The following SLC17A9 variants were observed in gnomAD, a reference collection of about 807,000 sequenced individuals.
The protein encoded by SLC17A9 is voltage-gated purine nucleotide uniporter SLC17A9.
Under a neutral mutation model 55.0 loss-of-function variants are expected in SLC17A9, and 49 were observed. The ratio of observed to expected loss-of-function variants is 0.89; its 90% CI spans 0.71 to 1.13. The LOEUF is 1.13. Among genes scored for constraint, SLC17A9 ranks in the 50% most tolerant of loss-of-function variants. The pLI, the probability that SLC17A9 is intolerant of heterozygous loss-of-function variation, is 0.00. For missense variants in SLC17A9, 526 were observed against 569.3 expected, an observed-to-expected ratio of 0.92 and a Z score of 0.77; for synonymous variants, 256 against 247.4, an observed-to-expected ratio of 1.03 and a Z score of -0.32.
At chr20:62,954,461 C>T (rs755606240) in intron 1 of SLC17A9, among the ~76,000 whole-genome samples, 6 of 152,218 alleles carry the variant, frequency 3.9e-5, no homozygotes, top group Non-Finnish European at 5.9e-5. Flanking sequence ...GCACAGGGGC[C>T]GTTTGCTCTA....
rs1297818309 is a variant in SLC17A9 at position 62,958,965 on chromosome 20, C to A, written c.397+1385C>A. 6.6e-6 allele frequency among the ~76,000 whole-genome samples: 1 copy of A among 152,210 alleles called. No homozygotes were observed. The highest frequency in any genetic ancestry group is 2.4e-5 in the African/African-American group (1 of 41,448). On this transcript the variant is annotated intron_variant, in intron 3 of 12. Coordinates refer to ENST00000370351, the MANE Select transcript of SLC17A9 (RefSeq NM_022082.4). The surrounding 1 kb of genome is among the most constrained non-coding windows in gnomAD (Gnocchi z 4.1). Reference sequence around the variant, plus strand: ...CTGTGAGGCCCCATCCCAGAGCCAGCCCCTCCAGCATCACCGCCTCCCCAG... The same window carrying A: ...CTGTGAGGCCCCATCCCAGAGCCAGACCCTCCAGCATCACCGCCTCCCCAG...
At chr20:62,957,292 C>A in intron 2 of SLC17A9, 149 bp from the exon 3 acceptor site, 2 of 1,469,000 alleles carry the variant, frequency 1.4e-6, no homozygotes, top group Non-Finnish European at 1.8e-6. Flanking sequence ...GGTCTCCTCA[C>A]GAGGCAGCTC....
rs150989854 is a variant in SLC17A9, at chr20:62,959,070, A to T, written c.398-1434A>T. Among the ~76,000 whole-genome samples, 766 of 152,288 alleles carry T rather than the reference A, an allele frequency of 5.0e-3. 7 individuals are homozygous for T. Among genetic ancestry groups the T allele is most frequent in the African/African-American group, 0.018 (729 of 41,552 alleles). ...TCGGCAACCACCTGGAGGGGAGGAC[A>T]GGCCTGGCGGGGGGTGGGGGCCCTC... On this transcript the variant is annotated intron_variant, in intron 3 of 12. Transcript: ENST00000370351.
chr20:62,967,632 G>C lies in SLC17A9; in HGVS notation c.*132G>C. On this transcript the variant is annotated 3_prime_UTR_variant, in exon 13 of 13. Coordinates refer to ENST00000370351, the MANE Select transcript of SLC17A9 (RefSeq NM_022082.4). Reference sequence around the variant, plus strand: ...AGGAACACAAACCACTGTGGAGCCTGAAGCTCCTTAAGAAGAGTCCACAAC... The same window carrying C: ...AGGAACACAAACCACTGTGGAGCCTCAAGCTCCTTAAGAAGAGTCCACAAC... 2.0e-6 allele frequency: 1 copy of C among 492,182 alleles called. No individual in the cohort carries two copies. The highest frequency in any genetic ancestry group is 3.1e-6 in the Non-Finnish European group (1 of 323,606). 30.5% of individuals were successfully genotyped at this position (492,182 alleles called of 1,614,324 possible). A position where few individuals can be genotyped will look rare whatever the true frequency, so the allele number is the denominator to read the frequency against.
In SLC17A9 at chr20:62,965,157, G is replaced by A. The variant is rs2065624283; in HGVS notation, c.936G>A (p.Lys312=). ...NQGYRAITVR[K]LMQGMGLGLS... is the part of the protein sequence containing the mutation. ...GTTACAGAGCCATCACGGTGCGGAA[G>A]CTCATGCAGGTAGGAGAATCATTCC... The change falls in exon 9 of 13, where the codon AAG becomes AAA. Residue 312 remains lysine, a synonymous_variant. Coordinates refer to ENST00000370351, the MANE Select transcript of SLC17A9 (RefSeq NM_022082.4). The A allele has an allele frequency of 2.5e-6, 4 of 1,614,122 alleles. No individual in the cohort carries two copies. The East Asian group carries it at 6.7e-5, about 27-fold the overall frequency.
intron 1 of SLC17A9, among the ~76,000 whole-genome samples, chr20:62,955,987 A>G (rs1601085280): frequency 6.6e-6 from 1 of 152,350 alleles, no homozygotes; most frequent in East Asian, 1.9e-4. Context: ...ACTTTCTCCA[A>G]ACTCCAGGGG....
chr20:62,967,936 A>G lies in SLC17A9; in HGVS notation c.*436A>G, dbSNP rs183354689. 3.3e-3 allele frequency: 535 copies of G among 162,992 alleles called. 2 individuals carry two copies. Among genetic ancestry groups the G allele is most frequent in the Non-Finnish European group, 5.1e-3 (378 of 74,740 alleles). The allele number at this position is 162,992 out of a possible 1,614,324, so 10.1% of individuals were successfully genotyped here. ...CTGGCACCAGGCTGCAGCCTCCCCA[A>G]TCCCAGCCCACTTTGCTGTGTCTCT... On this transcript the variant is annotated 3_prime_UTR_variant, in exon 13 of 13. Transcript: ENST00000370351.
At chr20:62,955,063 C>T (rs1022598631) in intron 1 of SLC17A9, among the ~76,000 whole-genome samples, 6 of 152,106 alleles carry the variant, frequency 3.9e-5, no homozygotes, top group Admixed American at 2.0e-4. Context: ...TGGGCTCAAG[C>T]GATCCTCCTA....
At position 62,952,803 on chromosome 20, in the gene SLC17A9, C is replaced by G. The variant is rs1439192272; in HGVS notation, c.-28C>G. 1 of 1,533,668 alleles carries G rather than the reference C, an allele frequency of 6.5e-7. No homozygotes were observed. The highest frequency in any genetic ancestry group is 8.7e-7 in the Non-Finnish European group (1 of 1,144,866). ...GAGGCAGCCCCGGGACACAGCTGTG[C>G]CCACGCCGTCTGAGCACCCCAAGCC... On this transcript the variant is annotated 5_prime_UTR_variant, in exon 1 of 13. Coordinates refer to ENST00000370351, the MANE Select transcript of SLC17A9 (RefSeq NM_022082.4).
intron 1 of SLC17A9, among the ~76,000 whole-genome samples, chr20:62,955,905 T>A (rs997265376): frequency 6.6e-6 from 1 of 152,210 alleles, no homozygotes; most frequent in African/African-American, 2.4e-5. Flanking sequence ...GAGTGGAACC[T>A]GGCTGCAAAT....
intron 9 of SLC17A9, 125 bp downstream of exon 9, chr20:62,965,291 T>C: frequency 7.7e-7 from 1 of 1,292,624 alleles, no homozygotes; most frequent in Non-Finnish European, 1.1e-6. Flanking sequence ...GGCCTCTCCA[T>C]GTGTCCAGCA....
intron 9 of SLC17A9, 75 bp from the exon 10 acceptor site, chr20:62,965,535 G>C: frequency 7.1e-7 from 1 of 1,401,612 alleles, no homozygotes; most frequent in East Asian, 2.3e-5. Context: ...GGGGGCTTTC[G>C]GGCAGCTGAG....
At position 62,965,186 on chromosome 20, in the gene SLC17A9, C is replaced by T. The variant is rs375903103; in HGVS notation, c.945+20C>T. 2.3e-5 allele frequency: 37 copies of T among 1,613,952 alleles called. No homozygotes were observed. Among genetic ancestry groups the T allele is most frequent in the East Asian group, 4.5e-5 (2 of 44,900 alleles). On this transcript the variant is annotated intron_variant, in intron 9 of 12. Coordinates refer to ENST00000370351, the MANE Select transcript of SLC17A9 (RefSeq NM_022082.4). ...ATGCAGGTAGGAGAATCATTCCGGT[C>T]GTTCTCTCTGGATATCCCTGCTTTG...
At chr20:62,966,813 G>A (rs1232686425) in intron 12 of SLC17A9, 81 bp downstream of exon 12, 2 of 1,548,018 alleles carry the variant, frequency 1.3e-6, no homozygotes, top group African/African-American at 1.4e-5. Context: ...GTGGGGTTGT[G>A]CCTCCCTTCA....
In SLC17A9 at chr20:62,967,417, A is replaced by T; in HGVS notation, c.1228A>T (p.Ile410Phe). 3.1e-6 allele frequency: 5 copies of T among 1,614,184 alleles called. No homozygotes were observed. The highest frequency in any genetic ancestry group is 4.2e-6 in the Non-Finnish European group (5 of 1,180,022). The part of the protein sequence containing the change: ...WTCLFNLVAI[I>F]SNLGLCTFLV... ...TTGCCTGTTCAACCTTGTGGCCATC[A>T]TCAGCAACCTGGGGCTGTGCACCTT... The change falls in exon 13 of 13, where the codon ATC (isoleucine) becomes TTC (phenylalanine). Residue 410 changes from isoleucine (I) to phenylalanine (F), a missense_variant. By Grantham distance (21) the Ile-to-Phe change is conservative (BLOSUM62 0). Coordinates refer to ENST00000370351, the MANE Select transcript of SLC17A9 (RefSeq NM_022082.4).
chr20:62,957,121 G>A (rs972850093), intron 2 of SLC17A9, 159 bp downstream of exon 2: 16 of 890,652 alleles, frequency 1.8e-5, no homozygotes, highest in Non-Finnish European at 2.0e-5. Flanking sequence ...AAGGAGCTTC[G>A]TGGACACAGA....
chr20:62,957,509 T>C lies in SLC17A9; in HGVS notation c.326T>C (p.Leu109Pro). 6.2e-7 allele frequency: 1 copy of C among 1,610,376 alleles called. No individual in the cohort carries two copies. The highest frequency in any genetic ancestry group is 8.5e-7 in the Non-Finnish European group (1 of 1,178,934). ...AWGSITAVTP[L>P]LAHLSSAHLA... ...GGCTCCATCACGGCCGTCACCCCAC[T>C]GCTCGCCCACCTGAGCAGTGCCCAC... is the stretch of plus-strand genomic sequence containing the variant. Residue 109 changes from leucine (L) to proline (P), a missense_variant, in exon 3 of 13, where the codon CTG (leucine) becomes CCG (proline). Coordinates refer to ENST00000370351, the MANE Select transcript of SLC17A9 (RefSeq NM_022082.4).
In SLC17A9 at chr20:62,963,591, G is replaced by A. The variant is rs151228610; in HGVS notation, c.733G>A (p.Val245Ile). 18,827 of 1,593,552 alleles carry A rather than the reference G, an allele frequency of 0.012. 158 individuals carry two copies. Among genetic ancestry groups the A allele is most frequent in the Non-Finnish European group, 0.015 (17,101 of 1,169,948 alleles). ...LFRKPAVWAA[V>I]VSQLSAACSF... ...CACCATTGGGCCCCGCAGGGCAGCC[G>A]TCGTCTCCCAGCTCTCTGCAGCCTG... Residue 245 changes from valine to isoleucine, a missense_variant, in exon 7 of 13, where the codon GTC becomes ATC. Val to Ile is a conservative substitution (Grantham distance 29, BLOSUM62 3). Coordinates refer to ENST00000370351, the MANE Select transcript of SLC17A9 (RefSeq NM_022082.4).
chr20:62,953,224 G>A, intron 1 of SLC17A9: 1 of 1,550,490 alleles, frequency 6.4e-7, no homozygotes, highest in South Asian at 1.2e-5. Flanking sequence ...GAACCACCCT[G>A]TGTATGCATG....
Sources: allele counts gnomAD v4.1 joint callset (sites outside exome capture counted in the v4.1 genomes callset), GRCh38; gene constraint gnomAD v4.1.1; non-coding constraint Gnocchi (gnomAD v3.1); transcripts MANE v1.5; gene names NCBI Gene and HGNC (gene_info 2026-07-23, HGNC 2026-07-21).